SLC30A8: variants seen among roughly 807,000 people sequenced by gnomAD.
SLC30A8 encodes the protein proton-coupled zinc antiporter SLC30A8.
In SLC30A8, 27 loss-of-function variants were observed where a neutral mutation model predicts 36.9. That is an observed-to-expected ratio of 0.73 (90% CI 0.54 to 1.01). SLC30A8 has a LOEUF of 1.01. SLC30A8 is among the 50% of genes least tolerant of loss of function. SLC30A8 has a pLI of 0.00. For missense variants in SLC30A8, 439 were observed against 452.0 expected (o/e 0.97, Z 0.26); for synonymous variants, 164 against 172.4 (o/e 0.95, Z 0.38).
intron 1 of SLC30A8, among the ~76,000 whole-genome samples, chr8:116,975,916 C>T (rs980166890): frequency 9.2e-5 from 14 of 152,120 alleles, no homozygotes; most frequent in African/African-American, 1.9e-4. Context: ...CCTCAGACAA[C>T]GATCATTTGA....
At chr8:117,041,444 A>G (rs1209533816) in intron 2 of SLC30A8, among the ~76,000 whole-genome samples, 1 of 152,076 alleles carries the variant, frequency 6.6e-6, no homozygotes, top group Non-Finnish European at 1.5e-5. Flanking sequence ...TCCCAGCACT[A>G]TGGGAGGCCA....
chr8:116,969,659 T>A, intron 1 of SLC30A8, among the ~76,000 whole-genome samples: 1 of 152,196 alleles, frequency 6.6e-6, no homozygotes, highest in East Asian at 1.9e-4. Context: ...AGACTATCGC[T>A]CCTAGGCTGC....
At chr8:117,121,608 C>T (rs554164281) in intron 2 of SLC30A8, among the ~76,000 whole-genome samples, 2 of 152,034 alleles carry the variant, frequency 1.3e-5, no homozygotes, top group East Asian at 3.9e-4. Flanking sequence ...GATGCCACCT[C>T]CTAATACTAT....
At chr8:117,087,159 G>A (rs1375853612) in intron 2 of SLC30A8, among the ~76,000 whole-genome samples, 1 of 152,154 alleles carries the variant, frequency 6.6e-6, no homozygotes, top group Admixed American at 6.5e-5. Context: ...AACAGTACGT[G>A]ATTGGCATTC....
intron 1 of SLC30A8, among the ~76,000 whole-genome samples, chr8:117,011,513 G>A (rs1334648656): frequency 6.6e-6 from 1 of 152,186 alleles, no homozygotes; most frequent in Admixed American, 6.5e-5. Context: ...TCCTGCACCT[G>A]AGACAGAGAG....
At chr8:117,097,594 T>A (rs868590352) in intron 2 of SLC30A8, among the ~76,000 whole-genome samples, 3 of 92,692 alleles carry the variant, frequency 3.2e-5, no homozygotes, top group African/African-American at 1.1e-4. Context: ...TAATATATAT[T>A]ATATATAATA....
chr8:117,085,419 T>C (rs1211606767), intron 2 of SLC30A8, among the ~76,000 whole-genome samples: 1 of 152,200 alleles, frequency 6.6e-6, no homozygotes, highest in Non-Finnish European at 1.5e-5. Context: ...TCTAGCGATT[T>C]CATTGTTGAT....
intron 1 of SLC30A8, among the ~76,000 whole-genome samples, chr8:117,030,577 C>T (rs1397021327): frequency 1.3e-5 from 2 of 152,066 alleles, no homozygotes; most frequent in Admixed American, 6.5e-5. Flanking sequence ...TGCCTGGGTG[C>T]AGTGTTAAAT....
intron 2 of SLC30A8, among the ~76,000 whole-genome samples, chr8:117,112,482 C>T (rs1050843032): frequency 1.3e-5 from 2 of 152,194 alleles, no homozygotes. Context: ...CCCCTTGAGA[C>T]TCATTGAGTG....
intron 1 of SLC30A8, among the ~76,000 whole-genome samples, chr8:116,977,686 A>T (rs1267787194): frequency 6.6e-6 from 1 of 151,602 alleles, no homozygotes; most frequent in African/African-American, 2.4e-5. Context: ...TAATTTTTGT[A>T]TGTTAAGTAG....
chr8:117,038,996 C>T (rs2130753110), intron 1 of SLC30A8, among the ~76,000 whole-genome samples: 1 of 152,284 alleles, frequency 6.6e-6, no homozygotes, highest in South Asian at 2.1e-4. Flanking sequence ...GCAGTGCCAG[C>T]TGAAACAGCA....
At chr8:117,159,710 G>A (rs531235768) in intron 4 of SLC30A8, among the ~76,000 whole-genome samples, 2 of 152,214 alleles carry the variant, frequency 1.3e-5, no homozygotes, top group South Asian at 2.1e-4. Flanking sequence ...AATAAAGTCC[G>A]CTTTGCATAA....
chr8:117,053,332 A>AC (rs1421470894), intron 2 of SLC30A8, among the ~76,000 whole-genome samples: 1 of 152,128 alleles, frequency 6.6e-6, no homozygotes, highest in Non-Finnish European at 1.5e-5. Flanking sequence ...TCTGGTTTCC[A>AC]CCCATTCTCA....
At chr8:116,996,597 C>T in intron 1 of SLC30A8, among the ~76,000 whole-genome samples, 1 of 152,120 alleles carries the variant, frequency 6.6e-6, no homozygotes, top group South Asian at 2.1e-4. Flanking sequence ...CTCTCTCTCC[C>T]TGAGCAGGAA....
intron 1 of SLC30A8, among the ~76,000 whole-genome samples, chr8:117,034,852 G>A (rs1376261047): frequency 6.6e-6 from 1 of 152,118 alleles, no homozygotes; most frequent in African/African-American, 2.4e-5. Flanking sequence ...CTTACATGGT[G>A]GCAGGTGAGA....
chr8:117,031,610 A>G (rs1406399845), intron 1 of SLC30A8, among the ~76,000 whole-genome samples: 2 of 151,698 alleles, frequency 1.3e-5, no homozygotes, highest in South Asian at 2.1e-4. Flanking sequence ...ACAGGCATGC[A>G]CCACCACACC....
chr8:117,153,555 CATTGGTCCA>C (rs1159496560), intron 3 of SLC30A8, among the ~76,000 whole-genome samples: 3 of 152,160 alleles, frequency 2.0e-5, no homozygotes, highest in Non-Finnish European at 4.4e-5. Flanking sequence ...GCCATTCAGC[CATTGGTCCA>C]ATTGAATATC....
chr8:117,144,633 A>T (rs1821815242), intron 1 of SLC30A8, among the ~76,000 whole-genome samples: 1 of 152,208 alleles, frequency 6.6e-6, no homozygotes, highest in South Asian at 2.1e-4. Flanking sequence ...ACTGCCTTCC[A>T]TATTTTAAAC....
At chr8:117,088,747 C>T (rs907165014) in intron 2 of SLC30A8, among the ~76,000 whole-genome samples, 11 of 152,196 alleles carry the variant, frequency 7.2e-5, no homozygotes, top group Non-Finnish European at 1.3e-4. Flanking sequence ...CCCGTGTGCA[C>T]GTAGACCCTA....
Sources: gnomAD v4.1 joint callset for allele counts (sites outside exome capture counted in the v4.1 genomes callset) on GRCh38, gnomAD v4.1.1 for gene constraint, MANE v1.5 for transcripts, NCBI Gene and HGNC (gene_info 2026-07-23, HGNC 2026-07-21) for gene names.